KCNH2: variants seen among roughly 807,000 people sequenced by gnomAD.
The protein encoded by KCNH2 is potassium voltage-gated channel subfamily H member 2, also known as voltage-gated inwardly rectifying potassium channel KCNH2.
KCNH2 carries 35 observed loss-of-function variants against 95.9 expected under a neutral mutation model. The ratio of observed to expected loss-of-function variants is 0.37; its 90% CI spans 0.28 to 0.48. The LOEUF (loss-of-function observed/expected upper bound fraction) is 0.48, where lower values mean the gene tolerates loss of function less well. Among genes scored for constraint, KCNH2 ranks in the 20% least tolerant of loss-of-function variants. The pLI is 0.99. For synonymous variants in KCNH2, 786 were observed against 754.7 expected (o/e 1.04, Z -0.68); for missense variants, 1,274 against 1,702.9 (o/e 0.75, Z 4.43).
At chr7:150,971,201 T>G (rs1424792353) in intron 2 of KCNH2, among the ~76,000 whole-genome samples, 1 of 152,008 alleles carries the variant, frequency 6.6e-6, no homozygotes, top group East Asian at 1.9e-4. Flanking sequence ...CAGGAGGTAC[T>G]AAGGATTTCA....
Position 150,946,889 on chromosome 7 carries a change from G to GC in KCNH2, c.3317_3318insG (p.Asp1106GlufsTer13). 6.3e-7 allele frequency: 1 copy of GC among 1,598,824 alleles called. No homozygotes were observed. Among genetic ancestry groups the GC allele is most frequent in the Non-Finnish European group, 8.5e-7 (1 of 1,169,896 alleles). Reference sequence around the variant, plus strand: ...GGCTGGAGCTTACCTGAGAAAGCGAGTCCAAGGTGAGGGTGGGGAGGGGGC... The same window carrying GC: ...GGCTGGAGCTTACCTGAGAAAGCGAGCTCCAAGGTGAGGGTGGGGAGGGGGC... On this transcript the variant is annotated frameshift_variant, in exon 14 of 15. Transcript: ENST00000262186. LOFTEE classifies it high-confidence loss of function. This position sits in a 1 kb window ranked among gnomAD's most constrained non-coding sequence, Gnocchi z 6.5.
In KCNH2 at chr7:150,946,552, T is replaced by C. The variant is rs771637599; in HGVS notation, c.3330+325A>G. ...CGTGGCCGTGAGACAGGCACCACCG[T>C]TGGAGCTGGCTCTTCAGGCGATGCT... On this transcript the variant is annotated intron_variant, in intron 14 of 14. Coordinates refer to ENST00000262186, the MANE Select transcript of KCNH2 (RefSeq NM_000238.4). The surrounding 1 kb of genome is among the most constrained non-coding windows in gnomAD (Gnocchi z 6.5). Among the ~76,000 whole-genome samples, 2 of 152,146 alleles carry C rather than the reference T, an allele frequency of 1.3e-5. No individual in the cohort carries two copies. Among genetic ancestry groups the C allele is most frequent in the African/African-American group, 2.4e-5 (1 of 41,438 alleles).
At chr7:150,959,124 A>T (rs898590554) in intron 3 of KCNH2, among the ~76,000 whole-genome samples, 3 of 152,202 alleles carry the variant, frequency 2.0e-5, no homozygotes, top group Admixed American at 2.0e-4. Flanking sequence ...GACCCCCAGG[A>T]AACTTGGCCA....
At chr7:150,971,868 T>C (rs545832219) in intron 2 of KCNH2, among the ~76,000 whole-genome samples, 1 of 151,994 alleles carries the variant, frequency 6.6e-6, no homozygotes, top group African/African-American at 2.4e-5. Context: ...AGGGACTCTG[T>C]GAGGACTGGC....
chr7:150,974,733 T>C lies in KCNH2; in HGVS notation c.285A>G (p.Glu95=). ...ALLGAEERKV[E]IAFYRKDGSC... is the part of the protein sequence containing the mutation. The stretch of plus-strand genomic sequence containing the variant: ...TACCATCTTTCCGGTAGAAGGCGAT[T>C]TCCACTTTGCGCTCCTCGGCGCCCA... Residue 95 remains glutamate (E), a synonymous_variant, in exon 2 of 15, where the codon GAA becomes GAG. Coordinates refer to ENST00000262186, the MANE Select transcript of KCNH2 (RefSeq NM_000238.4). 2 of 1,603,694 alleles carry C rather than the reference T, an allele frequency of 1.2e-6. No individual in the cohort carries two copies. Among genetic ancestry groups the C allele is most frequent in the Non-Finnish European group, 1.7e-6 (2 of 1,176,000 alleles).
intron 5 of KCNH2, chr7:150,955,357 C>T (rs551421965): frequency 3.3e-6 from 5 of 1,537,178 alleles, no homozygotes; most frequent in South Asian, 2.4e-5. Flanking sequence ...CTCAGTGTGC[C>T]GGCCCCAGAA....
chr7:150,952,894 T>C lies in KCNH2; in HGVS notation c.1129-41A>G. 4 of 1,596,952 alleles carry C rather than the reference T, an allele frequency of 2.5e-6. No homozygotes were observed. The highest frequency in any genetic ancestry group is 1.7e-4 in the Middle Eastern group (1 of 6,046). ...GCGGAGGTGTGGGTGAGGCAGGCCA[T>C]GGGACCTCGGGGGCAGGAGCGATGA... On this transcript the variant is annotated intron_variant, in intron 5 of 14. Coordinates refer to ENST00000262186, the MANE Select transcript of KCNH2 (RefSeq NM_000238.4). The surrounding 1 kb of genome is among the most constrained non-coding windows in gnomAD (Gnocchi z 7.3).
chr7:150,947,926 G>A lies in KCNH2; in HGVS notation c.2693-48C>T, dbSNP rs41314348. On this transcript the variant is annotated intron_variant, in intron 11 of 14. Transcript: ENST00000262186. ...CTCAGAGAGGGGAGGAGAACAGAGAGGAGGGGGCGAGGGTGGAGGAGGGGA... is the reference window on the plus strand; with the variant it reads ...CTCAGAGAGGGGAGGAGAACAGAGAAGAGGGGGCGAGGGTGGAGGAGGGGA... The A allele has an allele frequency of 7.2e-4, 1,094 of 1,517,910 alleles. 6 individuals are homozygous for A. In the African/African-American group the frequency reaches 0.013, roughly 18 times the overall value. 94.0% of individuals were successfully genotyped at this position (1,517,910 alleles called of 1,614,324 possible). A position where few individuals can be genotyped will look rare whatever the true frequency, so the allele number is the denominator to read the frequency against.
rs41311006 is a variant in KCNH2, at chr7:150,955,357, CG to C, written c.1128+1933del. The stretch of plus-strand genomic sequence containing the variant: ...GGGCCAGCCACCTGCCTCAGTGTGC[CG>C]GCCCCAGAAAGAAGAGGAAGGACCG... On this transcript the variant is annotated intron_variant, in intron 5 of 14. Transcript: ENST00000262186. 5,216 of 1,537,162 alleles carry C rather than the reference CG, an allele frequency of 3.4e-3. 26 individuals are homozygous for C. The highest frequency in any genetic ancestry group is 3.1e-3 in the Non-Finnish European group (3,465 of 1,135,030).
chr7:150,976,244 C>A (rs973370480), intron 1 of KCNH2, among the ~76,000 whole-genome samples: 5 of 152,144 alleles, frequency 3.3e-5, no homozygotes, highest in Non-Finnish European at 7.4e-5. Flanking sequence ...TGCAGCAGGG[C>A]ACCCTGAGAT....
At chr7:150,957,063 A>G (rs1801398471) in intron 5 of KCNH2, among the ~76,000 whole-genome samples, 1 of 151,664 alleles carries the variant, frequency 6.6e-6, no homozygotes, top group Non-Finnish European at 1.5e-5. Flanking sequence ...TGCCATTCCC[A>G]GCCCTTTACC....
At chr7:150,965,578 G>A (rs1429066329) in intron 2 of KCNH2, among the ~76,000 whole-genome samples, 2 of 151,992 alleles carry the variant, frequency 1.3e-5, no homozygotes, top group African/African-American at 4.8e-5. Flanking sequence ...TGCTCCCCAT[G>A]GCCCCCACCC....
chr7:150,948,475 G>C lies in KCNH2; in HGVS notation c.2661C>G (p.Arg887=), dbSNP rs1801006688. ...CCGTGCGCCTGCGGAAGGACAACTTGCGCTTGCGTTGCCGACTGAAGCCAC... is the reference window on the plus strand; with the variant it reads ...CCGTGCGCCTGCGGAAGGACAACTTCCGCTTGCGTTGCCGACTGAAGCCAC... ...LEGGFSRQRK[R]KLSFRRRTDK... Residue 887 remains arginine, a synonymous_variant, in exon 11 of 15, where the codon CGC becomes CGG. Coordinates refer to ENST00000262186, the MANE Select transcript of KCNH2 (RefSeq NM_000238.4). 6.7e-7 allele frequency: 1 copy of C among 1,495,164 alleles called. No homozygotes were observed. The highest frequency in any genetic ancestry group is 2.8e-5 in the East Asian group (1 of 35,388). 92.6% of individuals were successfully genotyped at this position (1,495,164 alleles called of 1,614,324 possible). A position where few individuals can be genotyped will look rare whatever the true frequency, so the allele number is the denominator to read the frequency against.
intron 2 of KCNH2, among the ~76,000 whole-genome samples, chr7:150,973,893 G>A (rs918149563): frequency 6.6e-6 from 1 of 152,232 alleles, no homozygotes; most frequent in Non-Finnish European, 1.5e-5. Context: ...GAAGCAGCAA[G>A]GTTTGCACGC....
chr7:150,966,102 A>G (rs965958020), intron 2 of KCNH2, among the ~76,000 whole-genome samples: 15 of 152,320 alleles, frequency 9.8e-5, no homozygotes, highest in Non-Finnish European at 1.5e-4. Flanking sequence ...CAGGTGTGAG[A>G]CTTCTGAGCC....
chr7:150,963,940 G>A (rs989594465), intron 2 of KCNH2, among the ~76,000 whole-genome samples: 8 of 152,184 alleles, frequency 5.3e-5, no homozygotes, highest in East Asian at 3.9e-4. Context: ...AGAACACAAC[G>A]CCGGCTTGCT....
rs794728413 is a variant in KCNH2, at chr7:150,974,743, C to A, written c.275G>T (p.Arg92Leu). ...CCGGTAGAAGGCGATTTCCACTTTGCGCTCCTCGGCGCCCAGCAGTGCCTG... is the reference window on the plus strand; with the variant it reads ...CCGGTAGAAGGCGATTTCCACTTTGAGCTCCTCGGCGCCCAGCAGTGCCTG... ...IAQALLGAEE[R>L]KVEIAFYRKD... Residue 92 changes from arginine (R) to leucine (L), a missense_variant, in exon 2 of 15, where the codon CGC becomes CTC. Physicochemically the swap from Arg to Leu is moderately radical, Grantham distance 102 (BLOSUM62 -2). Coordinates refer to ENST00000262186, the MANE Select transcript of KCNH2 (RefSeq NM_000238.4). 6.2e-7 allele frequency: 1 copy of A among 1,603,180 alleles called. No homozygotes were observed. The highest frequency in any genetic ancestry group is 8.5e-7 in the Non-Finnish European group (1 of 1,175,690).
At chr7:150,970,265 T>A (rs182514979) in intron 2 of KCNH2, among the ~76,000 whole-genome samples, 1 of 81,226 alleles carries the variant, frequency 1.2e-5, no homozygotes, top group Admixed American at 1.7e-4. Context: ...GTCTCCCCCC[T>A]CACACACCCC....
chr7:150,946,867 T>C lies in KCNH2; in HGVS notation c.3330+10A>G. ...TCACGGTACATCGAGGAAGCAGGGCTGGAGCTTACCTGAGAAAGCGAGTCC... is the reference window on the plus strand; with the variant it reads ...TCACGGTACATCGAGGAAGCAGGGCCGGAGCTTACCTGAGAAAGCGAGTCC... On this transcript the variant is annotated intron_variant, in intron 14 of 14. Transcript: ENST00000262186. The surrounding 1 kb of genome is among the most constrained non-coding windows in gnomAD (Gnocchi z 6.5). The C allele has an allele frequency of 6.3e-7, 1 of 1,596,252 alleles. No homozygotes were observed.
Sources: gnomAD v4.1 joint callset for allele counts (sites outside exome capture counted in the v4.1 genomes callset) on GRCh38, gnomAD v4.1.1 for gene constraint, Gnocchi (gnomAD v3.1) non-coding constraint, MANE v1.5 for transcripts, NCBI Gene and HGNC (gene_info 2026-07-23, HGNC 2026-07-21) for gene names.